GPR12: variants seen among roughly 807,000 people sequenced by gnomAD.
The protein encoded by GPR12 is G-protein coupled receptor 12.
GPR12 carries 7 observed loss-of-function variants against 18.9 expected under a neutral mutation model. The ratio of observed to expected loss-of-function variants is 0.37; its 90% CI spans 0.21 to 0.70. GPR12 has a LOEUF of 0.70. Among genes scored for constraint, GPR12 ranks in the 30% least tolerant of loss-of-function variants. The probability of loss-of-function intolerance (pLI) is 0.54; values close to 1 mark genes in which losing one functional copy is unlikely to be tolerated. For missense variants in GPR12, 327 were observed against 427.7 expected, an observed-to-expected ratio of 0.76 and a Z score of 2.08; for synonymous variants, 201 against 188.6, an observed-to-expected ratio of 1.07 and a Z score of -0.54.
chr13:26,759,094 G>T lies in GPR12; in HGVS notation c.734C>A (p.Thr245Asn), dbSNP rs1255892702. The T allele has an allele frequency of 6.2e-7, 1 of 1,613,832 alleles. No individual in the cohort carries two copies. Among genetic ancestry groups the T allele is most frequent in the Non-Finnish European group, 8.5e-7 (1 of 1,180,006 alleles). ...CAGGGTGGAGACCCCTTTCCGGGTG[G>T]TCACATAGTGCGACGTGGCCAGGAA... is the stretch of plus-strand genomic sequence containing the variant. ...HHFLATSHYV[T>N]TRKGVSTLAI... Residue 245 changes from threonine to asparagine, a missense_variant, in exon 2 of 2, where the codon ACC becomes AAC. By Grantham distance (65) the Thr-to-Asn change is moderately conservative. Coordinates refer to ENST00000405846, the MANE Select transcript of GPR12 (RefSeq NM_005288.4).
Position 26,759,504 on chromosome 13 carries a change from C to T in GPR12, c.324G>A (p.Gln108=), listed in dbSNP as rs770530392. 2.6e-5 allele frequency: 42 copies of T among 1,614,044 alleles called. 2 individuals are homozygous for T. The South Asian group carries it at 4.6e-4, about 18-fold the overall frequency. The part of the protein sequence containing the change: ...ITNFVFAYLL[Q]SEATKLVTIG... ...TCGTGACCAGCTTGGTGGCTTCTGACTGAAGCAGGTAGGCAAAAACAAAAT... is the reference window on the plus strand; with the variant it reads ...TCGTGACCAGCTTGGTGGCTTCTGATTGAAGCAGGTAGGCAAAAACAAAAT... Residue 108 remains glutamine, a synonymous_variant, in exon 2 of 2, where the codon CAG becomes CAA. Transcript: ENST00000405846.
rs1371724973 is a variant in GPR12, at chr13:26,755,724, A to T, written c.*3099T>A. 1 of 152,234 alleles carries T rather than the reference A, an allele frequency of 6.6e-6. No individual in the cohort carries two copies. Among genetic ancestry groups the T allele is most frequent in the Non-Finnish European group, 1.5e-5 (1 of 68,038 alleles). 9.4% of individuals were successfully genotyped at this position (152,234 alleles called of 1,614,324 possible). A position where few individuals can be genotyped will look rare whatever the true frequency, so the allele number is the denominator to read the frequency against. The stretch of plus-strand genomic sequence containing the variant: ...GGAAACAAAACCCTAGATAGTCATA[A>T]CTTCGATGACTAGTTTTGACTAATT... On this transcript the variant is annotated 3_prime_UTR_variant, in exon 2 of 2. Coordinates refer to ENST00000405846, the MANE Select transcript of GPR12 (RefSeq NM_005288.4).
chr13:26,759,548 C>G lies in GPR12; in HGVS notation c.280G>C (p.Gly94Arg), dbSNP rs1245945449. 2 of 1,614,154 alleles carry G rather than the reference C, an allele frequency of 1.2e-6. No individual in the cohort carries two copies. The highest frequency in any genetic ancestry group is 1.3e-5 in the African/African-American group (1 of 75,026). ...GSLALADLLAGIGLITNFVFA... is the reference protein window; with the variant it reads ...GSLALADLLARIGLITNFVFA... Reference sequence around the variant, plus strand: ...ACAAAATTGGTGATGAGTCCAATGCCGGCCAGCAGGTCTGCAAGAGCCAGG... The same window carrying G: ...ACAAAATTGGTGATGAGTCCAATGCGGGCCAGCAGGTCTGCAAGAGCCAGG... Residue 94 changes from glycine (G) to arginine (R), a missense_variant, in exon 2 of 2, where the codon GGC becomes CGC. Gly to Arg is a moderately radical substitution (Grantham distance 125). Transcript: ENST00000405846.
Position 26,758,682 on chromosome 13 carries a change from G to T in GPR12, c.*141C>A. On this transcript the variant is annotated 3_prime_UTR_variant, in exon 2 of 2. Coordinates refer to ENST00000405846, the MANE Select transcript of GPR12 (RefSeq NM_005288.4). ...CTTCAATCACTTAACTCATCTGAAC[G>T]ATGTCATTGTTTCACGAATGCTAAG... 1.6e-6 allele frequency: 2 copies of T among 1,231,280 alleles called. No individual in the cohort carries two copies. Among genetic ancestry groups the T allele is most frequent in the Non-Finnish European group, 2.2e-6 (2 of 909,790 alleles). The allele number at this position is 1,231,280 out of a possible 1,614,324, so 76.3% of individuals were successfully genotyped here. A position where few individuals can be genotyped will look rare whatever the true frequency, so the allele number is the denominator to read the frequency against.
rs1012172483 is a variant in GPR12 at position 26,755,570 on chromosome 13, C to G, written c.*3253G>C. ...CAAGTCAACCAAGGAATCCACTCCT[C>G]CTGAACCTGGCTCCTTACTGTAGGC... On this transcript the variant is annotated 3_prime_UTR_variant, in exon 2 of 2. Transcript: ENST00000405846. The G allele has an allele frequency of 2.0e-5, 3 of 152,184 alleles. No individual in the cohort carries two copies. Among genetic ancestry groups the G allele is most frequent in the Non-Finnish European group, 4.4e-5 (3 of 68,042 alleles). 9.4% of individuals were successfully genotyped at this position (152,184 alleles called of 1,614,324 possible).
Position 26,755,652 on chromosome 13 carries a change from A to AAAC in GPR12, c.*3168_*3170dup, listed in dbSNP as rs1884361256. 1 of 152,210 alleles carries AAAC rather than the reference A, an allele frequency of 6.6e-6. No homozygotes were observed. The highest frequency in any genetic ancestry group is 2.1e-4 in the South Asian group (1 of 4,828). The allele number at this position is 152,210 out of a possible 1,614,324, so 9.4% of individuals were successfully genotyped here. A position where few individuals can be genotyped will look rare whatever the true frequency, so the allele number is the denominator to read the frequency against. On this transcript the variant is annotated 3_prime_UTR_variant, in exon 2 of 2. Transcript: ENST00000405846. Reference sequence around the variant, plus strand: ...GCTTCCCTGCCCCAGGTACCTTTAAAAACAAACTTCACTGATAGAAAGAAA... The same window carrying AAAC: ...GCTTCCCTGCCCCAGGTACCTTTAAAAACAACAAACTTCACTGATAGAAAGAAA...
Position 26,759,693 on chromosome 13 carries a change from G to T in GPR12, c.135C>A (p.Asn45Lys), listed in dbSNP as rs1440483868. ...AVEPEPELVV[N>K]PWDIVLCTSG... ...AGGTACACAAGACAATGTCCCAGGG[G>T]TTGACTACGAGCTCAGGCTCTGGCT... The change falls in exon 2 of 2, where the codon AAC becomes AAA. Residue 45 changes from asparagine to lysine, a missense_variant. Transcript: ENST00000405846. 6.2e-7 allele frequency: 1 copy of T among 1,613,902 alleles called. No individual in the cohort carries two copies. The highest frequency in any genetic ancestry group is 8.5e-7 in the Non-Finnish European group (1 of 1,179,938).
rs1412799010 is a variant in GPR12, at chr13:26,759,357, G to T, written c.471C>A (p.Thr157=). Residue 157 remains threonine, a synonymous_variant, in exon 2 of 2, where the codon ACC becomes ACA. Transcript: ENST00000405846. The part of the protein sequence containing the change: ...TYHSERTVTF[T]YVMLVMLWGT... ...CCCAGAGCATGACGAGCATGACATA[G>T]GTAAACGTGACCGTCCTCTCCGAAT... The T allele has an allele frequency of 6.2e-7, 1 of 1,613,752 alleles. No homozygotes were observed. The highest frequency in any genetic ancestry group is 1.7e-5 in the Admixed American group (1 of 59,994).
intron 1 of GPR12, 161 bp downstream of exon 1, chr13:26,760,418 G>GGAGGT (rs1884461466): frequency 6.5e-6 from 1 of 153,864 alleles, no homozygotes; most frequent in Non-Finnish European, 1.5e-5. Context: ...GCCACGAGAG[G>GGAGGT]GAGGTGTGTG....
Position 26,759,853 on chromosome 13 carries a change from A to G in GPR12, c.-15-11T>C. On this transcript the variant is annotated splice_polypyrimidine_tract_variant and intron_variant, in intron 1 of 1. Transcript: ENST00000405846. ...TTTAACCCCTGTCCTCTTCAACGAA[A>G]AGACAGGCTTTTTAATGTTTAAATA... 1.3e-6 allele frequency: 2 copies of G among 1,530,396 alleles called. No individual in the cohort carries two copies. Among genetic ancestry groups the G allele is most frequent in the Non-Finnish European group, 1.8e-6 (2 of 1,139,242 alleles). 94.8% of individuals were successfully genotyped at this position (1,530,396 alleles called of 1,614,324 possible).
rs1593162021 is a variant in GPR12, at chr13:26,760,769, C to G, written c.-206G>C. On this transcript the variant is annotated 5_prime_UTR_variant, in exon 1 of 2. Transcript: ENST00000405846. Reference sequence around the variant, plus strand: ...GGCTGCAGGTGAGCAGCAGCCTCGGCTCGCGCGCCCAGCTTTCCCCGCCGC... The same window carrying G: ...GGCTGCAGGTGAGCAGCAGCCTCGGGTCGCGCGCCCAGCTTTCCCCGCCGC... 2 of 146,012 alleles carry G rather than the reference C, an allele frequency of 1.4e-5. No individual in the cohort carries two copies. Among genetic ancestry groups the G allele is most frequent in the African/African-American group, 4.9e-5 (2 of 40,584 alleles). The allele number at this position is 146,012 out of a possible 1,614,324, so 9.0% of individuals were successfully genotyped here. A position where few individuals can be genotyped will look rare whatever the true frequency, so the allele number is the denominator to read the frequency against.
Position 26,760,746 on chromosome 13 carries a change from C to G in GPR12, c.-183G>C, listed in dbSNP as rs1884470081. On this transcript the variant is annotated 5_prime_UTR_variant, in exon 1 of 2. Coordinates refer to ENST00000405846, the MANE Select transcript of GPR12 (RefSeq NM_005288.4). ...ACTCCGCGGCAGGTGAGCGGCGCGGCTGCAGGTGAGCAGCAGCCTCGGCTC... is the reference window on the plus strand; with the variant it reads ...ACTCCGCGGCAGGTGAGCGGCGCGGGTGCAGGTGAGCAGCAGCCTCGGCTC... The G allele has an allele frequency of 6.7e-6, 1 of 148,498 alleles. No individual in the cohort carries two copies. The highest frequency in any genetic ancestry group is 2.4e-5 in the African/African-American group (1 of 40,994). The allele number at this position is 148,498 out of a possible 1,614,324, so 9.2% of individuals were successfully genotyped here. A position where few individuals can be genotyped will look rare whatever the true frequency, so the allele number is the denominator to read the frequency against.
At position 26,759,704 on chromosome 13, in the gene GPR12, G is replaced by T. The variant is rs1457446839; in HGVS notation, c.124C>A (p.Leu42Ile). The change falls in exon 2 of 2, where the codon CTC (leucine) becomes ATC (isoleucine). Residue 42 changes from leucine to isoleucine, a missense_variant. Leu to Ile is a conservative substitution (Grantham distance 5, BLOSUM62 2). Coordinates refer to ENST00000405846, the MANE Select transcript of GPR12 (RefSeq NM_005288.4). Reference sequence around the variant, plus strand: ...ACAATGTCCCAGGGGTTGACTACGAGCTCAGGCTCTGGCTCTACGGCAGGA... The same window carrying T: ...ACAATGTCCCAGGGGTTGACTACGATCTCAGGCTCTGGCTCTACGGCAGGA... ...RVPAVEPEPELVVNPWDIVLC... is the reference protein window; with the variant it reads ...RVPAVEPEPEIVVNPWDIVLC... The T allele has an allele frequency of 1.2e-6, 2 of 1,614,000 alleles. No homozygotes were observed. The highest frequency in any genetic ancestry group is 1.7e-6 in the Non-Finnish European group (2 of 1,179,898).
chr13:26,758,610 C>A lies in GPR12; in HGVS notation c.*213G>T, dbSNP rs2137578454. The A allele has an allele frequency of 1.4e-6, 1 of 717,148 alleles. No homozygotes were observed. Among genetic ancestry groups the A allele is most frequent in the East Asian group, 2.8e-5 (1 of 35,338 alleles). 44.4% of individuals were successfully genotyped at this position (717,148 alleles called of 1,614,324 possible). Reference sequence around the variant, plus strand: ...AAACAAAATAATGTTGAGTGGAGAGCTCAACAATTTTTTTTAATGGTGAAA... The same window carrying A: ...AAACAAAATAATGTTGAGTGGAGAGATCAACAATTTTTTTTAATGGTGAAA... On this transcript the variant is annotated 3_prime_UTR_variant, in exon 2 of 2. Coordinates refer to ENST00000405846, the MANE Select transcript of GPR12 (RefSeq NM_005288.4).
In GPR12 at chr13:26,755,224, C is replaced by CT. The variant is rs1884353330; in HGVS notation, c.*3598dup. ...ATTTTAAAGGGGACAATAAGGCAGT[C>CT]TTTTCCTTTATTATACCAGGCATAC... On this transcript the variant is annotated 3_prime_UTR_variant, in exon 2 of 2. Transcript: ENST00000405846. The CT allele has an allele frequency of 6.6e-6, 1 of 152,138 alleles. No individual in the cohort carries two copies. The highest frequency in any genetic ancestry group is 6.5e-5 in the Admixed American group (1 of 15,268). 9.4% of individuals were successfully genotyped at this position (152,138 alleles called of 1,614,324 possible). A position where few individuals can be genotyped will look rare whatever the true frequency, so the allele number is the denominator to read the frequency against.
Position 26,755,564 on chromosome 13 carries a change from A to G in GPR12, c.*3259T>C, listed in dbSNP as rs537368863. ...CATGGCCAAGTCAACCAAGGAATCC[A>G]CTCCTCCTGAACCTGGCTCCTTACT... On this transcript the variant is annotated 3_prime_UTR_variant, in exon 2 of 2. Transcript: ENST00000405846. 6.6e-6 allele frequency: 1 copy of G among 152,086 alleles called. No homozygotes were observed. Among genetic ancestry groups the G allele is most frequent in the East Asian group, 1.9e-4 (1 of 5,170 alleles). 9.4% of individuals were successfully genotyped at this position (152,086 alleles called of 1,614,324 possible).
In GPR12 at chr13:26,755,825, G is replaced by A. The variant is rs1038628959; in HGVS notation, c.*2998C>T. The A allele has an allele frequency of 2.0e-5, 3 of 152,090 alleles. No individual in the cohort carries two copies. Among genetic ancestry groups the A allele is most frequent in the Non-Finnish European group, 4.4e-5 (3 of 68,018 alleles). 9.4% of individuals were successfully genotyped at this position (152,090 alleles called of 1,614,324 possible). ...TCTACTGGAAAAATATCAATTCCTT[G>A]GTAGCTAGAAATTTTAATTATGTGG... On this transcript the variant is annotated 3_prime_UTR_variant, in exon 2 of 2. Transcript: ENST00000405846.
chr13:26,760,068 G>A lies in GPR12; in HGVS notation c.-15-226C>T, dbSNP rs572162073. 7.1e-6 allele frequency: 4 copies of A among 560,808 alleles called. No homozygotes were observed. The South Asian group carries it at 1.9e-4, about 26-fold the overall frequency. The allele number at this position is 560,808 out of a possible 1,614,324, so 34.7% of individuals were successfully genotyped here. On this transcript the variant is annotated intron_variant, in intron 1 of 1. Transcript: ENST00000405846. ...GCCGTTTGGCATTGGGGAAAACACA[G>A]GGTAGGACTTCAAAACACCAGCGTG...
intron 1 of GPR12, chr13:26,760,197 AC>A: frequency 1.1e-5 from 2 of 187,812 alleles, no homozygotes; most frequent in South Asian, 1.8e-4. Flanking sequence ...CAACTGTTTG[AC>A]ATCTGGGCTG....
Sources: allele counts gnomAD v4.1 joint callset, GRCh38; gene constraint gnomAD v4.1.1; transcripts MANE v1.5; gene names NCBI Gene and HGNC (gene_info 2026-07-23, HGNC 2026-07-21).